ASPM: variants seen among roughly 807,000 people sequenced by gnomAD.
The protein encoded by ASPM is assembly factor for spindle microtubules, also known as abnormal spindle-like microcephaly-associated protein.
Under a neutral mutation model 366.4 loss-of-function variants are expected in ASPM, and 256 were observed. That is an observed-to-expected ratio of 0.70 (90% CI 0.63 to 0.77). The LOEUF is 0.77. Among genes scored for constraint, ASPM ranks in the 30% least tolerant of loss-of-function variants. The pLI is 0.00. For missense variants in ASPM, 4,146 were observed against 4,090.4 expected (o/e 1.01, Z -0.37); for synonymous variants, 1,414 against 1,342.9 (o/e 1.05, Z -1.16).
chr1:197,146,137 C>T lies in ASPM; in HGVS notation c.297+4G>A, dbSNP rs1326287939. The T allele has an allele frequency of 6.2e-7, 1 of 1,613,994 alleles. No individual in the cohort carries two copies. The highest frequency in any genetic ancestry group is 8.5e-7 in the Non-Finnish European group (1 of 1,179,952). ...GCCTGGAGCACGCTCCTCCTGAGAC[C>T]TACCTGCAACACGAAACAGCGCTGC... On this transcript the variant is annotated splice_donor_region_variant and intron_variant, in intron 1 of 27. Transcript: ENST00000367409.
At position 197,090,915 on chromosome 1, in the gene ASPM, C is replaced by T. The variant is rs765801359; in HGVS notation, c.9571G>A (p.Ala3191Thr). ...RNRAASVIQK[A>T]VRHFLLRKKQ... is the part of the protein sequence containing the mutation. ...TTACGGAGGAGAAAATGGCGCACTG[C>T]TTTCTGTATTACTGATGCAGCCCTA... Residue 3191 changes from alanine to threonine, a missense_variant, in exon 23 of 28, where the codon GCA (alanine) becomes ACA (threonine). Physicochemically the swap from Ala to Thr is moderately conservative, Grantham distance 58. This residue lies in a region of ASPM where 3,624 missense variants were observed against 3,591.7 expected (regional missense o/e 1.01). Coordinates refer to ENST00000367409, the MANE Select transcript of ASPM (RefSeq NM_018136.5). 1.2e-6 allele frequency: 2 copies of T among 1,613,412 alleles called. No individual in the cohort carries two copies. Among genetic ancestry groups the T allele is most frequent in the Admixed American group, 3.3e-5 (2 of 59,964 alleles).
intron 4 of ASPM, chr1:197,139,189 C>A: frequency 2.1e-6 from 2 of 965,694 alleles, no homozygotes; most frequent in Non-Finnish European, 3.3e-6. Context: ...TTAACGAAGT[C>A]ACAGTGATTT....
At chr1:197,134,028 A>G (rs1056805104) in intron 5 of ASPM, among the ~76,000 whole-genome samples, 2 of 152,056 alleles carry the variant, frequency 1.3e-5, no homozygotes, top group Non-Finnish European at 2.9e-5. Flanking sequence ...TTTGGAAAAG[A>G]AACAACTTTT....
chr1:197,136,368 G>A (rs1291191774), intron 4 of ASPM, among the ~76,000 whole-genome samples: 1 of 152,080 alleles, frequency 6.6e-6, no homozygotes, highest in Non-Finnish European at 1.5e-5. Context: ...CAGTATTATT[G>A]TAATTTTGGT....
rs781557550 is a variant in ASPM, at chr1:197,103,948, C to A, written c.5303G>T (p.Arg1768Leu). ...LQSYFRMRKARQYYLKMYKAI... is the reference protein window; with the variant it reads ...LQSYFRMRKALQYYLKMYKAI... ...TTTATACATTTTCAGATAATACTGC[C>A]GAGCCTTTCTCATTCTGAAATAAGA... is the stretch of plus-strand genomic sequence containing the variant. Residue 1768 changes from arginine to leucine, a missense_variant, in exon 18 of 28, where the codon CGG (arginine) becomes CTG (leucine). This residue lies in a region of ASPM where 3,624 missense variants were observed against 3,591.7 expected (regional missense o/e 1.01). Coordinates refer to ENST00000367409, the MANE Select transcript of ASPM (RefSeq NM_018136.5). 1.2e-6 allele frequency: 2 copies of A among 1,612,472 alleles called. No homozygotes were observed. The highest frequency in any genetic ancestry group is 1.7e-6 in the Non-Finnish European group (2 of 1,179,282).
At chr1:197,125,023 T>A (rs1396495505) in intron 11 of ASPM, 23 bp downstream of exon 11, 1 of 1,612,658 alleles carries the variant, frequency 6.2e-7, no homozygotes, top group Non-Finnish European at 8.5e-7. Flanking sequence ...GGAGAATAAG[T>A]TTTACCTCTA....
intron 4 of ASPM, chr1:197,138,816 C>T: frequency 1.3e-6 from 1 of 764,950 alleles, no homozygotes. Context: ...TCAGAAGCAG[C>T]CTTCATTTTA....
intron 17 of ASPM, among the ~76,000 whole-genome samples, chr1:197,116,787 GTAA>G (rs751248158): frequency 3.7e-4 from 56 of 152,042 alleles, no homozygotes; most frequent in Non-Finnish European, 4.0e-4. Flanking sequence ...CTCAAAAAAT[GTAA>G]TAATATCAAA....
At chr1:197,090,605 A>C (rs2125088239) in intron 23 of ASPM, among the ~76,000 whole-genome samples, 1 of 152,264 alleles carries the variant, frequency 6.6e-6, no homozygotes, top group Non-Finnish European at 1.5e-5. Context: ...GCATTTATCG[A>C]CCAAAGATGT....
At chr1:197,084,867 T>C (rs1656537418) in intron 27 of ASPM, among the ~76,000 whole-genome samples, 1 of 152,194 alleles carries the variant, frequency 6.6e-6, no homozygotes, top group African/African-American at 2.4e-5. Context: ...TACTAGACTT[T>C]GTCATCATCA....
chr1:197,142,400 T>C lies in ASPM; in HGVS notation c.1852A>G (p.Lys618Glu), dbSNP rs1339188530. The change falls in exon 3 of 28, where the codon AAA becomes GAA. Residue 618 changes from lysine (K) to glutamate (E), a missense_variant. This residue lies in a region of ASPM where 3,624 missense variants were observed against 3,591.7 expected (regional missense o/e 1.01). Transcript: ENST00000367409. ...EPKTSAVKKT[K>E]NVTTPISKRI... is the part of the protein sequence containing the mutation. ...TTTGAGATGGGTGTTGTCACATTTTTTGTTTTCTTAACAGCTGATGTTTTA... is the reference window on the plus strand; with the variant it reads ...TTTGAGATGGGTGTTGTCACATTTTCTGTTTTCTTAACAGCTGATGTTTTA... The C allele has an allele frequency of 6.2e-7, 1 of 1,613,936 alleles. No individual in the cohort carries two copies. The highest frequency in any genetic ancestry group is 2.2e-5 in the East Asian group (1 of 44,866).
chr1:197,099,122 A>C (rs1461878293), intron 18 of ASPM, among the ~76,000 whole-genome samples: 2 of 151,586 alleles, frequency 1.3e-5, no homozygotes, highest in African/African-American at 4.8e-5. Context: ...CCTACACTGA[A>C]CTATAACTCT....
rs767198870 is a variant in ASPM, at chr1:197,142,685, T to C, written c.1567A>G (p.Ser523Gly). The change falls in exon 3 of 28, where the codon AGT becomes GGT. Residue 523 changes from serine to glycine, a missense_variant. Physicochemically the swap from Ser to Gly is moderately conservative, Grantham distance 56. This residue lies in a region of ASPM where 3,624 missense variants were observed against 3,591.7 expected (regional missense o/e 1.01). Coordinates refer to ENST00000367409, the MANE Select transcript of ASPM (RefSeq NM_018136.5). ...ACTTTTTCATGTTCACCCACTGCAC[T>C]GTTGAGACATCTTTTTGCTTTTGGT... ...NKPKAKRCLN[S>G]AVGEHEKVIN... 18 of 1,613,834 alleles carry C rather than the reference T, an allele frequency of 1.1e-5. No homozygotes were observed. Among genetic ancestry groups the C allele is most frequent in the Middle Eastern group, 1.6e-4 (1 of 6,082 alleles).
chr1:197,092,735 A>G (rs568271915), intron 21 of ASPM, among the ~76,000 whole-genome samples: 85 of 152,084 alleles, frequency 5.6e-4, no homozygotes, highest in Non-Finnish European at 9.4e-4. Context: ...AGCTACTAGA[A>G]TAACATTTAA....
chr1:197,103,396 A>G lies in ASPM; in HGVS notation c.5855T>C (p.Leu1952Pro). 1 of 1,613,322 alleles carries G rather than the reference A, an allele frequency of 6.2e-7. No individual in the cohort carries two copies. The highest frequency in any genetic ancestry group is 8.5e-7 in the Non-Finnish European group (1 of 1,179,492). The change falls in exon 18 of 28, where the codon CTG becomes CCG. Residue 1952 changes from leucine to proline, a missense_variant. Around this residue, in one of 3 missense-constraint regions of ASPM, gnomAD observed 3,624 missense variants for 3,591.7 expected, o/e 1.01. Coordinates refer to ENST00000367409, the MANE Select transcript of ASPM (RefSeq NM_018136.5). ...TCCCTTCCACATAGATTGAAGCACCAGTACCGCATGACGGAGTTCAATATA... is the reference window on the plus strand; with the variant it reads ...TCCCTTCCACATAGATTGAAGCACCGGTACCGCATGACGGAGTTCAATATA... ...MEYIELRHAV[L>P]VLQSMWKGKT...
At chr1:197,135,018 T>C (rs1658373694) in intron 5 of ASPM, 78 bp downstream of exon 5, 1 of 1,031,442 alleles carries the variant, frequency 9.7e-7, no homozygotes, top group Middle Eastern at 3.0e-4. Context: ...CTATGTATAA[T>C]TAAAGAATGA....
At chr1:197,088,492 C>G in intron 25 of ASPM, 60 bp from the exon 26 acceptor site, 1 of 1,485,758 alleles carries the variant, frequency 6.7e-7, no homozygotes, top group Non-Finnish European at 9.1e-7. Context: ...ACAAACAACC[C>G]AACCAAAAAA....
At chr1:197,129,856 T>C in intron 8 of ASPM, 59 bp downstream of exon 8, 1 of 1,571,206 alleles carries the variant, frequency 6.4e-7, no homozygotes, top group Admixed American at 1.7e-5. Flanking sequence ...ACAGGAAGAA[T>C]GACAATAAGC....
At chr1:197,140,352 G>A (rs991660790) in intron 3 of ASPM, among the ~76,000 whole-genome samples, 11 of 152,328 alleles carry the variant, frequency 7.2e-5, no homozygotes, top group East Asian at 1.9e-4. Context: ...AAGAATACAC[G>A]TAGGAAATGA....
Sources: gnomAD v4.1 joint callset for allele counts (sites outside exome capture counted in the v4.1 genomes callset) on GRCh38, gnomAD v4.1.1 for gene constraint, gnomAD v4.1.1 regional missense constraint, MANE v1.5 for transcripts, NCBI Gene and HGNC (gene_info 2026-07-23, HGNC 2026-07-21) for gene names.